The following ASIC2 variants were observed in gnomAD, a reference collection of about 807,000 sequenced individuals.
ASIC2 encodes acid sensing ion channel subunit 2.
Under a neutral mutation model 57.3 loss-of-function variants are expected in ASIC2, and 25 were observed. The observed-to-expected ratio is 0.44, with a 90% confidence interval of 0.32 to 0.61. ASIC2 has a LOEUF of 0.61. ASIC2 is among the 20% of genes least tolerant of loss of function. ASIC2 has a pLI of 0.06. For synonymous variants in ASIC2, 319 were observed against 307.5 expected (o/e 1.04, Z -0.39); for missense variants, 641 against 738.1 (o/e 0.87, Z 1.52).
At chr17:33,997,242 A>C (rs1906189477) in intron 1 of ASIC2, among the ~76,000 whole-genome samples, 1 of 151,468 alleles carries the variant, frequency 6.6e-6, no homozygotes, top group African/African-American at 2.4e-5. Flanking sequence ...CCTGGGCTCA[A>C]GCTATCCTCC....
chr17:33,356,916 A>G (rs1477231264), intron 1 of ASIC2, among the ~76,000 whole-genome samples: 1 of 83,476 alleles, frequency 1.2e-5, no homozygotes, highest in Admixed American at 1.4e-4. Flanking sequence ...GAACGTCCCA[A>G]CCTCTGGGAG....
chr17:33,595,373 C>T (rs2038156973), intron 1 of ASIC2, among the ~76,000 whole-genome samples: 1 of 152,202 alleles, frequency 6.6e-6, no homozygotes, highest in East Asian at 1.9e-4. Flanking sequence ...TTGGGAAGAG[C>T]AACAAGATCT....
chr17:33,047,930 G>A (rs1051892532), intron 3 of ASIC2, among the ~76,000 whole-genome samples: 4 of 152,118 alleles, frequency 2.6e-5, no homozygotes, highest in African/African-American at 9.7e-5. Flanking sequence ...TATTTGTGAT[G>A]GACTGAATTG....
intron 1 of ASIC2, among the ~76,000 whole-genome samples, chr17:34,131,185 C>T (rs1911945513): frequency 6.6e-6 from 1 of 152,052 alleles, no homozygotes; most frequent in African/African-American, 2.4e-5. Context: ...GGAAACTGAG[C>T]CTCGAAATGC....
chr17:33,133,316 G>A (rs1252528377), intron 1 of ASIC2, among the ~76,000 whole-genome samples: 1 of 152,206 alleles, frequency 6.6e-6, no homozygotes, highest in Non-Finnish European at 1.5e-5. Flanking sequence ...TGCTCTGGGA[G>A]CAGTGAGCGT....
At chr17:33,342,907 C>T (rs1907784844) in intron 1 of ASIC2, among the ~76,000 whole-genome samples, 1 of 152,112 alleles carries the variant, frequency 6.6e-6, no homozygotes, top group African/African-American at 2.4e-5. Flanking sequence ...AGGGCAGGCT[C>T]TAGGGACTCG....
chr17:33,223,426 G>A (rs574549645), intron 1 of ASIC2, among the ~76,000 whole-genome samples: 2 of 152,098 alleles, frequency 1.3e-5, no homozygotes, highest in South Asian at 2.1e-4. Flanking sequence ...CAAATGATCT[G>A]CCCACCTCAG....
rs142077556 is a variant in ASIC2 at position 33,407,775 on chromosome 17, C to G, written c.556-295708G>C. Among the ~76,000 whole-genome samples the G allele has an allele frequency of 3.3e-5, 5 of 152,314 alleles. No homozygotes were observed. The East Asian group carries it at 9.6e-4, about 29-fold the overall frequency. ...AAAACATTAGGACCTGCAAGACAAGCAAGCCCAAGGAATTCTGGGAACCAG... is the reference window on the plus strand; with the variant it reads ...AAAACATTAGGACCTGCAAGACAAGGAAGCCCAAGGAATTCTGGGAACCAG... On this transcript the variant is annotated intron_variant, in intron 1 of 9. Transcript: ENST00000359872.
At chr17:33,223,554 C>T (rs1300327981) in intron 1 of ASIC2, among the ~76,000 whole-genome samples, 3 of 152,238 alleles carry the variant, frequency 2.0e-5, no homozygotes, top group Non-Finnish European at 4.4e-5. Flanking sequence ...AGCATCCAAA[C>T]ATTTGAGGTT....
At chr17:33,036,979 G>A (rs991390579) in intron 3 of ASIC2, among the ~76,000 whole-genome samples, 8 of 151,976 alleles carry the variant, frequency 5.3e-5, no homozygotes, top group African/African-American at 1.7e-4. Flanking sequence ...GGAGGGAGAG[G>A]AGCAGAAAAG....
At chr17:33,241,736 G>A (rs1908513416) in intron 1 of ASIC2, among the ~76,000 whole-genome samples, 1 of 152,108 alleles carries the variant, frequency 6.6e-6, no homozygotes, top group African/African-American at 2.4e-5. Context: ...AGCCCACCAT[G>A]CACACAGATT....
intron 1 of ASIC2, among the ~76,000 whole-genome samples, chr17:33,356,018 G>A (rs1407370050): frequency 6.6e-6 from 1 of 152,172 alleles, no homozygotes; most frequent in Non-Finnish European, 1.5e-5. Flanking sequence ...TCCAAGATGA[G>A]GCCTGACAAA....
At chr17:33,730,656 TA>T (rs1272651389) in intron 1 of ASIC2, among the ~76,000 whole-genome samples, 1 of 152,260 alleles carries the variant, frequency 6.6e-6, no homozygotes, top group African/African-American at 2.4e-5. Flanking sequence ...CTTACTTTGT[TA>T]AACTGTTTTA....
intron 1 of ASIC2, among the ~76,000 whole-genome samples, chr17:33,182,001 G>T (rs576900968): frequency 6.6e-6 from 1 of 152,314 alleles, no homozygotes; most frequent in East Asian, 1.9e-4. Context: ...CAAGTGAGAT[G>T]GGAAAGGGAT....
At chr17:33,056,458 C>T (rs1303374924) in intron 3 of ASIC2, among the ~76,000 whole-genome samples, 1 of 152,146 alleles carries the variant, frequency 6.6e-6, no homozygotes, top group Non-Finnish European at 1.5e-5. Context: ...ACCCCCCTCC[C>T]TGGCCCAGTA....
At chr17:33,700,431 G>T (rs1908661044) in intron 1 of ASIC2, among the ~76,000 whole-genome samples, 1 of 152,082 alleles carries the variant, frequency 6.6e-6, no homozygotes, top group Admixed American at 6.6e-5. Flanking sequence ...ATCAAATTCT[G>T]TCCTGCCAAA....
At chr17:33,481,724 CA>C (rs1466177016) in intron 1 of ASIC2, among the ~76,000 whole-genome samples, 2 of 152,172 alleles carry the variant, frequency 1.3e-5, no homozygotes, top group East Asian at 3.9e-4. Flanking sequence ...AACAAAACCA[CA>C]GTGAAAACCT....
At chr17:33,950,682 A>G (rs147998569) in intron 1 of ASIC2, among the ~76,000 whole-genome samples, 2 of 152,308 alleles carry the variant, frequency 1.3e-5, no homozygotes, top group African/African-American at 4.8e-5. Context: ...GAAGGGACCA[A>G]TGACAGCCAC....
At chr17:33,313,335 A>AC (rs1906512286) in intron 1 of ASIC2, among the ~76,000 whole-genome samples, 1 of 152,012 alleles carries the variant, frequency 6.6e-6, no homozygotes, top group African/African-American at 2.4e-5. Context: ...TTGAAAAAAA[A>AC]AAAAGAAAGA....
Sources: gnomAD v4.1 joint callset for allele counts (sites outside exome capture counted in the v4.1 genomes callset) on GRCh38, gnomAD v4.1.1 for gene constraint, MANE v1.5 for transcripts, NCBI Gene and HGNC (gene_info 2026-07-23, HGNC 2026-07-21) for gene names.